Variants in DNAH7 observed in about 807,000 individuals in gnomAD.
DNAH7 encodes the protein axonemal beta dynein heavy chain 7.
A neutral mutation model predicts 444.6 loss-of-function variants in DNAH7; 397 were observed. The observed-to-expected ratio is 0.89, with a 90% CI of 0.82 to 0.97. The LOEUF is 0.97. Ranked by LOEUF, DNAH7 falls within the 50% of genes least tolerant of loss-of-function variation. DNAH7 has a pLI of 0.00. For missense variants in DNAH7, 4,902 were observed against 4,800.8 expected (o/e 1.02, Z -0.62); for synonymous variants, 1,636 against 1,624.4 (o/e 1.01, Z -0.17).
In DNAH7 at chr2:195,933,352, G is replaced by A. The variant is rs200343307; in HGVS notation, c.3471+1239C>T. Among the ~76,000 whole-genome samples, 53 of 152,234 alleles carry A rather than the reference G, an allele frequency of 3.5e-4. No individual in the cohort carries two copies. The East Asian group carries it at 5.2e-3, about 15-fold the overall frequency. The stretch of plus-strand genomic sequence containing the variant: ...GAAAGTCAGTGTGGCGATTCCTCAG[G>A]GATCTAGAACTAGAAATACCATTTG... On this transcript the variant is annotated intron_variant, in intron 21 of 64. Transcript: ENST00000312428.
intron 17 of DNAH7, among the ~76,000 whole-genome samples, chr2:195,967,740 T>G (rs975707403): frequency 6.6e-6 from 1 of 152,216 alleles, no homozygotes; most frequent in East Asian, 1.9e-4. Context: ...TTGTGTGCTA[T>G]TTGTTTCTTT....
intron 13 of DNAH7, among the ~76,000 whole-genome samples, chr2:195,987,496 C>T (rs753453864): frequency 5.9e-5 from 9 of 151,758 alleles, no homozygotes; most frequent in African/African-American, 1.7e-4. Context: ...AGGTTTCAAA[C>T]GTTATAGTTG....
intron 36 of DNAH7, among the ~76,000 whole-genome samples, chr2:195,880,351 C>T (rs1419289181): frequency 3.0e-5 from 4 of 133,476 alleles, no homozygotes; most frequent in African/African-American, 5.8e-5. Context: ...TTTTTTGAGA[C>T]GGAGTCTCAC....
At position 195,775,625 on chromosome 2, in the gene DNAH7, T is replaced by G. The variant is rs77440013; in HGVS notation, c.11202+221A>C. Among the ~76,000 whole-genome samples, 1,075 of 146,318 alleles carry G rather than the reference T, an allele frequency of 7.3e-3. 11 individuals are homozygous for G. Among genetic ancestry groups the G allele is most frequent in the African/African-American group, 0.026 (1,038 of 39,900 alleles). Reference sequence around the variant, plus strand: ...CAGAATGATACTTAAAGAATATATCTGGGTTCCCAAAAAAAGATAGATGAA... The same window carrying G: ...CAGAATGATACTTAAAGAATATATCGGGGTTCCCAAAAAAAGATAGATGAA... On this transcript the variant is annotated intron_variant, in intron 60 of 64. Coordinates refer to ENST00000312428, the MANE Select transcript of DNAH7 (RefSeq NM_018897.3).
chr2:195,911,866 A>C (rs767371380), intron 24 of DNAH7, among the ~76,000 whole-genome samples: 2 of 152,270 alleles, frequency 1.3e-5, no homozygotes, highest in Non-Finnish European at 2.9e-5. Flanking sequence ...TAAGGGGAAG[A>C]AAATTAAACC....
intron 42 of DNAH7, among the ~76,000 whole-genome samples, chr2:195,860,816 T>C (rs1489943060): frequency 6.6e-6 from 1 of 152,202 alleles, no homozygotes; most frequent in Non-Finnish European, 1.5e-5. Flanking sequence ...GTCTGTTCAA[T>C]TCGTGGATCA....
chr2:195,775,939 T>A lies in DNAH7; in HGVS notation c.11109A>T (p.Pro3703=). The A allele has an allele frequency of 6.2e-7, 1 of 1,614,196 alleles. No homozygotes were observed. Among genetic ancestry groups the A allele is most frequent in the South Asian group, 1.1e-5 (1 of 91,090 alleles). Reference sequence around the variant, plus strand: ...CATTCATCCCAAAGATTTCTGGTGCTGGGGTCAGTGGCAGAGTCTTTGTGT... The same window carrying A: ...CATTCATCCCAAAGATTTCTGGTGCAGGGGTCAGTGGCAGAGTCTTTGTGT... ...IEYTKTLPLT[P]APEIFGMNAN... Residue 3703 remains proline, a synonymous_variant, in exon 60 of 65, where the codon CCA becomes CCT. Coordinates refer to ENST00000312428, the MANE Select transcript of DNAH7 (RefSeq NM_018897.3).
At chr2:195,945,233 C>T (rs1689719635) in intron 19 of DNAH7, among the ~76,000 whole-genome samples, 1 of 152,108 alleles carries the variant, frequency 6.6e-6, no homozygotes, top group African/African-American at 2.4e-5. Context: ...GGGGAGCATA[C>T]TTCCAGGACA....
At chr2:195,817,097 T>C in intron 50 of DNAH7, 134 bp from the exon 51 acceptor site, 2 of 647,074 alleles carry the variant, frequency 3.1e-6, no homozygotes, top group Non-Finnish European at 5.1e-6. Flanking sequence ...TCTGTAATGG[T>C]GATGCCTTAT....
chr2:195,945,903 C>A (rs1050622987), intron 19 of DNAH7, among the ~76,000 whole-genome samples: 1 of 152,166 alleles, frequency 6.6e-6, no homozygotes, highest in Non-Finnish European at 1.5e-5. Flanking sequence ...TATCCACTTA[C>A]TTCATCTCCA....
At chr2:196,021,131 T>G (rs1300306948) in intron 8 of DNAH7, among the ~76,000 whole-genome samples, 2 of 152,138 alleles carry the variant, frequency 1.3e-5, no homozygotes, top group African/African-American at 4.8e-5. Flanking sequence ...ATGTTCCCAA[T>G]GTTCCCAAAA....
chr2:195,775,852 A>G lies in DNAH7; in HGVS notation c.11196T>C (p.Leu3732=). The change falls in exon 60 of 65, where the codon CTT becomes CTC. Residue 3732 remains leucine, a synonymous_variant. Coordinates refer to ENST00000312428, the MANE Select transcript of DNAH7 (RefSeq NM_018897.3). ...ETQLLFDNIL[L]TQSRSAGAGA... is the part of the protein sequence containing the mutation. ...TCCTATACAGATCACACACCTGTGT[A>G]AGAAGAATGTTATCAAATAGCAGCT... The G allele has an allele frequency of 6.2e-7, 1 of 1,613,938 alleles. No individual in the cohort carries two copies. The highest frequency in any genetic ancestry group is 8.5e-7 in the Non-Finnish European group (1 of 1,179,908).
intron 45 of DNAH7, among the ~76,000 whole-genome samples, chr2:195,853,918 T>G (rs949646832): frequency 2.0e-5 from 3 of 152,206 alleles, no homozygotes; most frequent in Non-Finnish European, 4.4e-5. Context: ...TCATTTAACT[T>G]ATATCATGGC....
intron 24 of DNAH7, among the ~76,000 whole-genome samples, chr2:195,919,771 T>C (rs1332606673): frequency 6.6e-6 from 1 of 152,224 alleles, no homozygotes; most frequent in Non-Finnish European, 1.5e-5. Flanking sequence ...TAGGTATTTA[T>C]AGAGATGACT....
At chr2:195,907,256 T>C (rs1369666089) in intron 25 of DNAH7, among the ~76,000 whole-genome samples, 1 of 152,122 alleles carries the variant, frequency 6.6e-6, no homozygotes, top group Non-Finnish European at 1.5e-5. Context: ...TTTTTTAGCA[T>C]TTAGACATAC....
intron 37 of DNAH7, 96 bp from the exon 38 acceptor site, chr2:195,875,939 T>C: frequency 8.4e-7 from 1 of 1,186,034 alleles, no homozygotes; most frequent in African/African-American, 1.5e-5. Context: ...TAGCTATCTA[T>C]TTGCAGAGTA....
At chr2:195,924,931 G>C (rs1479185540) in intron 22 of DNAH7, among the ~76,000 whole-genome samples, 1 of 152,108 alleles carries the variant, frequency 6.6e-6, no homozygotes, top group Non-Finnish European at 1.5e-5. Context: ...TGCTCCAGTG[G>C]CTGCTTTTTC....
intron 57 of DNAH7, among the ~76,000 whole-genome samples, chr2:195,791,749 G>A (rs1695888137): frequency 6.6e-6 from 1 of 152,200 alleles, no homozygotes; most frequent in African/African-American, 2.4e-5. Flanking sequence ...CAGGCCCTTT[G>A]CAGCAACATG....
intron 1 of DNAH7, among the ~76,000 whole-genome samples, chr2:196,066,282 C>T (rs972250489): frequency 6.6e-6 from 1 of 152,224 alleles, no homozygotes; most frequent in Admixed American, 6.5e-5. Context: ...TGTCAGTTGT[C>T]ACACGTTTGA....
Sources: gnomAD v4.1 joint callset for allele counts (sites outside exome capture counted in the v4.1 genomes callset) on GRCh38, gnomAD v4.1.1 for gene constraint, MANE v1.5 for transcripts, NCBI Gene and HGNC (gene_info 2026-07-23, HGNC 2026-07-21) for gene names.